The following HERC5 variants were observed in gnomAD, a reference collection of about 807,000 sequenced individuals.
HERC5 encodes HECT and RLD domain containing E3 ubiquitin protein ligase 5, also known as E3 ISG15--protein ligase HERC5.
HERC5 carries 99 observed loss-of-function variants against 119.6 expected under a neutral mutation model. That is an observed-to-expected ratio of 0.83 (90% confidence interval 0.70 to 0.98). The LOEUF is 0.98. HERC5 is among the 50% of genes least tolerant of loss of function. The pLI is 0.00. For synonymous variants in HERC5, 478 were observed against 445.9 expected (o/e 1.07, Z -0.91); for missense variants, 1,267 against 1,241.3 (o/e 1.02, Z -0.31).
At position 88,494,267 on chromosome 4, in the gene HERC5, A is replaced by G. The variant is rs1396058550; in HGVS notation, c.2380A>G (p.Lys794Glu). 2 of 1,613,748 alleles carry G rather than the reference A, an allele frequency of 1.2e-6. No individual in the cohort carries two copies. The highest frequency in any genetic ancestry group is 8.5e-7 in the Non-Finnish European group (1 of 1,179,844). ...ANLPFPLALF[K>E]KLLDQMPSLE... is the part of the protein sequence containing the mutation. ...CCTTCCTTTCCCACTGGCACTGTTT[A>G]AGAAACTTTTGGACCAAATGCCATC... Residue 794 changes from lysine to glutamate, a missense_variant, in exon 18 of 23, where the codon AAG (lysine) becomes GAG (glutamate). Transcript: ENST00000264350.
In HERC5 at chr4:88,462,216, A is replaced by G. The variant is rs777241725; in HGVS notation, c.548A>G (p.Gln183Arg). The G allele has an allele frequency of 6.2e-7, 1 of 1,614,228 alleles. No homozygotes were observed. The highest frequency in any genetic ancestry group is 8.5e-7 in the Non-Finnish European group (1 of 1,180,034). The change falls in exon 4 of 23, where the codon CAG (glutamine) becomes CGG (arginine). Residue 183 changes from glutamine to arginine, a missense_variant. Around this residue, in one of 3 missense-constraint regions of HERC5, gnomAD observed 777 missense variants for 758.0 expected, o/e 1.03. Transcript: ENST00000264350. ...AAATTTCCCTCAACCACCACACCACAGATTGTGGAGCACCTCGCAGGAGTA... is the reference window on the plus strand; with the variant it reads ...AAATTTCCCTCAACCACCACACCACGGATTGTGGAGCACCTCGCAGGAGTA... Reference protein sequence around the residue: ...GRKFPSTTTPQIVEHLAGVPL... With the variant: ...GRKFPSTTTPRIVEHLAGVPL...
At chr4:88,501,551 G>A (rs1741947944) in intron 20 of HERC5, among the ~76,000 whole-genome samples, 1 of 152,104 alleles carries the variant, frequency 6.6e-6, no homozygotes, top group African/African-American at 2.4e-5. Flanking sequence ...GGTCAGAGTG[G>A]CAAAGAGATC....
At position 88,479,883 on chromosome 4, in the gene HERC5, T is replaced by C. The variant is rs562183968; in HGVS notation, c.1737+376T>C. On this transcript the variant is annotated intron_variant, in intron 13 of 22. Transcript: ENST00000264350. ...GAGATCGAGACAATCATGACTAACA[T>C]GGTGAAACCCCGTCTCTATTAAAAA... Among the ~76,000 whole-genome samples, 9 of 152,062 alleles carry C rather than the reference T, an allele frequency of 5.9e-5. No homozygotes were observed. In the East Asian group the frequency reaches 1.2e-3, roughly 20 times the overall value.
In HERC5 at chr4:88,504,240, A is replaced by G. The variant is rs370986699; in HGVS notation, c.2591A>G (p.Tyr864Cys). Residue 864 changes from tyrosine (Y) to cysteine (C), a missense_variant, in exon 21 of 23, where the codon TAT becomes TGT. By Grantham distance (194) the Tyr-to-Cys change is radical. This residue lies in a region of HERC5 where 473 missense variants were observed against 445.7 expected (regional missense o/e 1.06). Transcript: ENST00000264350. The part of the protein sequence containing the change: ...ITVNQTNKRD[Y>C]VSKYINYIFN... ...ATTTTGTTTTATTAAAGGAGAGACTATGTTTCTAAGTATATCAATTACATT... is the reference window on the plus strand; with the variant it reads ...ATTTTGTTTTATTAAAGGAGAGACTGTGTTTCTAAGTATATCAATTACATT... The G allele has an allele frequency of 2.0e-5, 32 of 1,585,302 alleles. No individual in the cohort carries two copies. Among genetic ancestry groups the G allele is most frequent in the Non-Finnish European group, 2.3e-5 (27 of 1,158,724 alleles).
Position 88,470,673 on chromosome 4 carries a change from G to A in HERC5, c.1298G>A (p.Arg433Lys). The A allele has an allele frequency of 7.6e-7, 1 of 1,311,272 alleles. No homozygotes were observed. Among genetic ancestry groups the A allele is most frequent in the Non-Finnish European group, 1.1e-6 (1 of 913,378 alleles). The allele number at this position is 1,311,272 out of a possible 1,614,324, so 81.2% of individuals were successfully genotyped here. Residue 433 changes from arginine (R) to lysine (K), a missense_variant and splice_region_variant, in exon 10 of 23, where the codon AGA (arginine) becomes AAA (lysine). Arg to Lys is a conservative substitution (Grantham distance 26). Around this residue, in one of 3 missense-constraint regions of HERC5, gnomAD observed 777 missense variants for 758.0 expected, o/e 1.03. Coordinates refer to ENST00000264350, the MANE Select transcript of HERC5 (RefSeq NM_016323.4). ...CTAACTGGAAGTTTTTTAAGGAAAA[G>A]GTAATATATGTAATAAATTAATTGT... ...ACLTGSFLRK[R>K]RTTEMMPVYL...
chr4:88,493,084 G>T lies in HERC5; in HGVS notation c.2206G>T (p.Glu736Ter). 1 of 1,614,088 alleles carries T rather than the reference G, an allele frequency of 6.2e-7. No individual in the cohort carries two copies. The highest frequency in any genetic ancestry group is 1.1e-5 in the South Asian group (1 of 91,084). Residue 736 changes from glutamate (E) to a stop codon, truncating the protein, a stop_gained, in exon 17 of 23, where the codon GAG (glutamate) becomes TAG (stop). Coordinates refer to ENST00000264350, the MANE Select transcript of HERC5 (RefSeq NM_016323.4). LOFTEE classifies it high-confidence loss of function. ...AGAGTTCTTCTACTGTCTGTTTGCAGAGATGATCCAGCCGGAATATGGGAT... is the reference window on the plus strand; with the variant it reads ...AGAGTTCTTCTACTGTCTGTTTGCATAGATGATCCAGCCGGAATATGGGAT... Reference protein sequence around the residue: ...KKEFFYCLFAEMIQPEYGMFM... With the variant: ...KKEFFYCLFA
At chr4:88,458,272 A>G (rs959565022) in intron 1 of HERC5, among the ~76,000 whole-genome samples, 10 of 151,802 alleles carry the variant, frequency 6.6e-5, no homozygotes, top group Non-Finnish European at 1.5e-4. Flanking sequence ...TTTTTAGTGC[A>G]TTTTTTGGGG....
intron 1 of HERC5, among the ~76,000 whole-genome samples, chr4:88,458,363 T>A (rs1412880149): frequency 1.3e-5 from 2 of 152,096 alleles, no homozygotes; most frequent in Admixed American, 1.3e-4. Context: ...CCCAGTGTTT[T>A]AAAAAATGTA....
In HERC5 at chr4:88,457,448, CG is replaced by C. The variant is rs1560594012; in HGVS notation, c.183del (p.Arg62AlafsTer32). On this transcript the variant is annotated frameshift_variant, in exon 1 of 23. Coordinates refer to ENST00000264350, the MANE Select transcript of HERC5 (RefSeq NM_016323.4). LOFTEE classifies it high-confidence loss of function. ...GTGACGCGCCAACTCTGCTGCTCGC[CG>C]GGGCGCCTCGCGGTCTTGGAACGCG... ...VEVTRQLCCS[P>X]GRLAVLERGG... The C allele has an allele frequency of 1.5e-6, 2 of 1,348,876 alleles. No homozygotes were observed. The highest frequency in any genetic ancestry group is 1.9e-6 in the Non-Finnish European group (2 of 1,053,790). 83.6% of individuals were successfully genotyped at this position (1,348,876 alleles called of 1,614,324 possible). A position where few individuals can be genotyped will look rare whatever the true frequency, so the allele number is the denominator to read the frequency against.
rs186772695 is a variant in HERC5, at chr4:88,487,289, T to C, written c.1962+110T>C. 1,403 of 598,724 alleles carry C rather than the reference T, an allele frequency of 2.3e-3. 3 individuals carry two copies. The highest frequency in any genetic ancestry group is 3.3e-3 in the Non-Finnish European group (1,109 of 335,256). 37.1% of individuals were successfully genotyped at this position (598,724 alleles called of 1,614,324 possible). ...AACCACCTACCAGTGAAACCAATGG[T>C]TGTGGCATTCAAGGAGCTTATACTC... On this transcript the variant is annotated intron_variant, in intron 15 of 22. Coordinates refer to ENST00000264350, the MANE Select transcript of HERC5 (RefSeq NM_016323.4).
rs1316687220 is a variant in HERC5, at chr4:88,504,617, A to C, written c.2869+20A>C. ...TCCTTGGTAAGTATTATATCAAGGA[A>C]TAGATCTGTAATCGTATGTCTTTTT... On this transcript the variant is annotated intron_variant, in intron 22 of 22. Transcript: ENST00000264350. The C allele has an allele frequency of 2.1e-6, 3 of 1,401,624 alleles. No homozygotes were observed. Among genetic ancestry groups the C allele is most frequent in the African/African-American group, 2.9e-5 (2 of 68,974 alleles). The allele number at this position is 1,401,624 out of a possible 1,614,324, so 86.8% of individuals were successfully genotyped here. A position where few individuals can be genotyped will look rare whatever the true frequency, so the allele number is the denominator to read the frequency against.
In HERC5 at chr4:88,462,488, T is replaced by C; in HGVS notation, c.688+132T>C. On this transcript the variant is annotated intron_variant, in intron 4 of 22. Transcript: ENST00000264350. ...TGCTCTTCCTGATTACCTCTCTGTC[T>C]TCAGGGCAGAATCAGTCCAAGAGGC... is the stretch of plus-strand genomic sequence containing the variant. 4.1e-6 allele frequency: 3 copies of C among 740,120 alleles called. No individual in the cohort carries two copies. In the South Asian group the frequency reaches 5.2e-5, roughly 13 times the overall value. The allele number at this position is 740,120 out of a possible 1,614,324, so 45.8% of individuals were successfully genotyped here. A position where few individuals can be genotyped will look rare whatever the true frequency, so the allele number is the denominator to read the frequency against.
chr4:88,495,711 G>A (rs1741776790), intron 18 of HERC5, among the ~76,000 whole-genome samples: 1 of 151,992 alleles, frequency 6.6e-6, no homozygotes, highest in African/African-American at 2.4e-5. Context: ...TCTGGCTCCA[G>A]AGTCTATTAA....
Position 88,457,285 on chromosome 4 carries a change from C to T in HERC5, c.16C>T (p.Arg6Trp). Reference sequence around the variant, plus strand: ...CAAAGCGGCGATGGAGCGGAGGTCGCGGAGGAAGTCGCGGCGCAACGGGCG... The same window carrying T: ...CAAAGCGGCGATGGAGCGGAGGTCGTGGAGGAAGTCGCGGCGCAACGGGCG... MERRS[R>W]RKSRRNGRST... The change falls in exon 1 of 23, where the codon CGG becomes TGG. Residue 6 changes from arginine to tryptophan, a missense_variant. By Grantham distance (101) the Arg-to-Trp change is moderately radical. This residue lies in a region of HERC5 where 777 missense variants were observed against 758.0 expected (regional missense o/e 1.03). Transcript: ENST00000264350. 1 of 1,353,216 alleles carries T rather than the reference C, an allele frequency of 7.4e-7. No individual in the cohort carries two copies. Among genetic ancestry groups the T allele is most frequent in the Non-Finnish European group, 9.4e-7 (1 of 1,058,418 alleles). The allele number at this position is 1,353,216 out of a possible 1,614,324, so 83.8% of individuals were successfully genotyped here.
chr4:88,467,513 T>C (rs1740714302), intron 7 of HERC5, among the ~76,000 whole-genome samples: 1 of 152,244 alleles, frequency 6.6e-6, no homozygotes, highest in Non-Finnish European at 1.5e-5. Flanking sequence ...TAATTAGTTG[T>C]TTACTAATTC....
At chr4:88,460,806 TG>T (rs1031868093) in intron 3 of HERC5, among the ~76,000 whole-genome samples, 6 of 151,986 alleles carry the variant, frequency 3.9e-5, no homozygotes, top group African/African-American at 1.5e-4. Context: ...CTGGACAACA[TG>T]GGGAGACTTC....
rs374278831 is a variant in HERC5, at chr4:88,460,095, G to A, written c.390G>A (p.Arg130=). ...EYDNYSMKHL[R]FESILQEKKI... ...CACAAAGTGTATTTTCCTTCATCAGGTTTGAAAGCATTTTACAAGAAAAAA... is the reference window on the plus strand; with the variant it reads ...CACAAAGTGTATTTTCCTTCATCAGATTTGAAAGCATTTTACAAGAAAAAA... The change falls in exon 3 of 23, where the codon AGG becomes AGA. Residue 130 remains arginine, a splice_region_variant and synonymous_variant. Transcript: ENST00000264350. 46 of 1,529,518 alleles carry A rather than the reference G, an allele frequency of 3.0e-5. No individual in the cohort carries two copies. Among genetic ancestry groups the A allele is most frequent in the Non-Finnish European group, 3.9e-5 (43 of 1,106,202 alleles). The allele number at this position is 1,529,518 out of a possible 1,614,324, so 94.7% of individuals were successfully genotyped here.
chr4:88,500,119 T>G, intron 19 of HERC5, 127 bp downstream of exon 19: 1 of 630,550 alleles, frequency 1.6e-6, no homozygotes, highest in Middle Eastern at 4.3e-4. Context: ...GGTATTGTTC[T>G]TCATCATGAT....
intron 22 of HERC5, among the ~76,000 whole-genome samples, chr4:88,505,007 T>C (rs1245206185): frequency 6.6e-6 from 1 of 152,226 alleles, no homozygotes; most frequent in Non-Finnish European, 1.5e-5. Flanking sequence ...AATGACTTTC[T>C]CATTTTCTAT....
Sources: gnomAD v4.1 joint callset for allele counts (sites outside exome capture counted in the v4.1 genomes callset) on GRCh38, gnomAD v4.1.1 for gene constraint, gnomAD v4.1.1 regional missense constraint, MANE v1.5 for transcripts, NCBI Gene and HGNC (gene_info 2026-07-23, HGNC 2026-07-21) for gene names.